AMD1: variants seen among roughly 807,000 people sequenced by gnomAD.
AMD1 encodes the protein S-adenosylmethionine decarboxylase proenzyme.
AMD1 carries 11 observed loss-of-function variants against 40.2 expected under a neutral mutation model. That is an observed-to-expected ratio of 0.27 (90% CI 0.17 to 0.45). The LOEUF (loss-of-function observed/expected upper bound fraction) is 0.45, where lower values mean the gene tolerates loss of function less well. Among genes scored for constraint, AMD1 ranks in the 20% least tolerant of loss-of-function variants. The pLI, the probability that AMD1 is intolerant of heterozygous loss-of-function variation, is 1.00. For synonymous variants in AMD1, 121 were observed against 130.8 expected (o/e 0.93, Z 0.51); for missense variants, 257 against 410.2 (o/e 0.63, Z 3.23).
chr6:110,817,137 C>T, the AMD1 span, among the ~76,000 whole-genome samples: 1 of 152,126 alleles, frequency 6.6e-6, no homozygotes, highest in Non-Finnish European at 1.5e-5. Context: ...TAGGATAGGA[C>T]ATAACACATT....
chr6:110,835,186 T>G, the AMD1 span, among the ~76,000 whole-genome samples: 1 of 151,082 alleles, frequency 6.6e-6, no homozygotes, highest in Non-Finnish European at 1.5e-5. Context: ...GCCCGGCTAA[T>G]TTTTTGTATT....
upstream of AMD1, among the ~76,000 whole-genome samples, chr6:110,871,931 A>C (rs949233594): frequency 3.3e-5 from 5 of 152,224 alleles, no homozygotes; most frequent in Non-Finnish European, 5.9e-5. Context: ...AGGCATAGCC[A>C]AGAGCACTGC....
chr6:110,849,862 A>T, the AMD1 span, among the ~76,000 whole-genome samples: 1 of 152,060 alleles, frequency 6.6e-6, no homozygotes, highest in African/African-American at 2.4e-5. Flanking sequence ...TCTACAAAAA[A>T]TTTAAAATAT....
At chr6:110,854,391 T>G in the AMD1 span, among the ~76,000 whole-genome samples, 1 of 152,092 alleles carries the variant, frequency 6.6e-6, no homozygotes, top group Non-Finnish European at 1.5e-5. Flanking sequence ...GGCAGCAAGG[T>G]GCATGAAAAG....
chr6:110,851,502 G>A, the AMD1 span, among the ~76,000 whole-genome samples: 4 of 151,608 alleles, frequency 2.6e-5, no homozygotes, highest in African/African-American at 9.7e-5. Flanking sequence ...TTACTCTGTC[G>A]CCCAGGCTGG....
upstream of AMD1, among the ~76,000 whole-genome samples, chr6:110,870,274 C>T (rs554254813): frequency 1.1e-4 from 16 of 152,250 alleles, no homozygotes; most frequent in South Asian, 4.1e-4. Flanking sequence ...GAGAGTGTAA[C>T]GATTAGTTCT....
Position 110,891,957 on chromosome 6 carries a change from C to G in AMD1, c.428-204C>G, listed in dbSNP as rs1187076481. The G allele has an allele frequency of 1.6e-5, 10 of 618,354 alleles. No homozygotes were observed. In the Admixed American group the frequency reaches 2.6e-4, roughly 16 times the overall value. The allele number at this position is 618,354 out of a possible 1,614,324, so 38.3% of individuals were successfully genotyped here. A position where few individuals can be genotyped will look rare whatever the true frequency, so the allele number is the denominator to read the frequency against. On this transcript the variant is annotated intron_variant, in intron 4 of 8. Transcript: ENST00000368885. ...GGGGTTTCATCATGTTGGCCAGGCT[C>G]GAACTCTTGACCTCAAGCCCACCTC...
chr6:110,892,572 G>T, intron 6 of AMD1, 129 bp downstream of exon 6: 6 of 1,435,354 alleles, frequency 4.2e-6, no homozygotes, highest in Non-Finnish European at 5.7e-6. Flanking sequence ...TTGTGTCATG[G>T]GGGTTTGTCG....
the AMD1 span, chr6:110,858,213 C>G: frequency 1.3e-6 from 1 of 760,802 alleles, no homozygotes; most frequent in Non-Finnish European, 2.3e-6. Flanking sequence ...TCGTCCCATC[C>G]CATCCTGCCG....
rs1182087856 is a variant in AMD1, at chr6:110,894,038, T to A, written c.*422T>A. The stretch of plus-strand genomic sequence containing the variant: ...GCCTAACCCTCTAGGACTGTTCTAT[T>A]AAATTGCTGCCAGAATTTTACATCC... On this transcript the variant is annotated 3_prime_UTR_variant, in exon 9 of 9. Coordinates refer to ENST00000368885, the MANE Select transcript of AMD1 (RefSeq NM_001634.6). The A allele has an allele frequency of 6.4e-6, 1 of 155,400 alleles. No homozygotes were observed. The highest frequency in any genetic ancestry group is 1.4e-5 in the Non-Finnish European group (1 of 69,662). The allele number at this position is 155,400 out of a possible 1,614,324, so 9.6% of individuals were successfully genotyped here.
the AMD1 span, among the ~76,000 whole-genome samples, chr6:110,853,155 C>T: frequency 1.3e-5 from 2 of 151,602 alleles, no homozygotes; most frequent in African/African-American, 4.8e-5. Flanking sequence ...CAGAGTCTCA[C>T]TCTGTCACTC....
chr6:110,863,236 C>A, the AMD1 span, among the ~76,000 whole-genome samples: 1 of 151,858 alleles, frequency 6.6e-6, no homozygotes, highest in East Asian at 1.9e-4. Context: ...TGAGCCACCA[C>A]GCCTGGCCCC....
At chr6:110,889,066 A>G (rs1343110204) in intron 3 of AMD1, 83 bp downstream of exon 3, 6 of 1,502,076 alleles carry the variant, frequency 4.0e-6, no homozygotes, top group East Asian at 2.3e-5. Flanking sequence ...ATAAATTTAT[A>G]TACTTACTGC....
At chr6:110,824,998 A>G in the AMD1 span, among the ~76,000 whole-genome samples, 1 of 152,190 alleles carries the variant, frequency 6.6e-6, no homozygotes, top group Non-Finnish European at 1.5e-5. Flanking sequence ...GTAAGACTAT[A>G]GAGGGCAAAG....
chr6:110,844,778 T>C, the AMD1 span, among the ~76,000 whole-genome samples: 1 of 150,134 alleles, frequency 6.7e-6, no homozygotes. Context: ...CAAAACTGCA[T>C]TTCAGAAAAA....
chr6:110,859,349 G>A, the AMD1 span, among the ~76,000 whole-genome samples: 2 of 152,024 alleles, frequency 1.3e-5, no homozygotes, highest in Non-Finnish European at 2.9e-5. Flanking sequence ...GTGGGGTAAG[G>A]GGTCAAAGCC....
rs960457173 is a variant in AMD1 at position 110,887,390 on chromosome 6, G to A, written c.111-115G>A. 5 of 610,770 alleles carry A rather than the reference G, an allele frequency of 8.2e-6. No homozygotes were observed. The African/African-American group carries it at 9.4e-5, about 12-fold the overall frequency. The allele number at this position is 610,770 out of a possible 1,614,324, so 37.8% of individuals were successfully genotyped here. On this transcript the variant is annotated intron_variant, in intron 1 of 8. Transcript: ENST00000368885. ...TTATTTTGAAAGAAACTAAAAGTTG[G>A]TGTACAATATTAATTAAAAATGTGG... is the stretch of plus-strand genomic sequence containing the variant.
the AMD1 span, chr6:110,848,525 AAAC>A: frequency 5.0e-4 from 153 of 304,916 alleles, no homozygotes; most frequent in Middle Eastern, 1.2e-3. Context: ...TGTTAGCAAA[AAAC>A]AACAACAACA....
chr6:110,840,768 T>C, the AMD1 span, among the ~76,000 whole-genome samples: 6 of 151,570 alleles, frequency 4.0e-5, no homozygotes, highest in South Asian at 1.3e-3. Context: ...GGGGGAAGAT[T>C]AGAGTCCCAC....
Sources: gnomAD v4.1 joint callset for allele counts (sites outside exome capture counted in the v4.1 genomes callset) on GRCh38, gnomAD v4.1.1 for gene constraint, MANE v1.5 for transcripts, NCBI Gene and HGNC (gene_info 2026-07-23, HGNC 2026-07-21) for gene names.